Variants in BBOX1 observed in about 807,000 individuals in gnomAD.
BBOX1 encodes the protein gamma-butyrobetaine hydroxylase 1.
In BBOX1, 35 loss-of-function variants were observed where a neutral mutation model predicts 41.6. That is an observed-to-expected ratio of 0.84 (90% confidence interval 0.64 to 1.11). BBOX1 has a LOEUF of 1.11. Among genes scored for constraint, BBOX1 ranks in the 50% most tolerant of loss-of-function variants. The pLI, the probability that BBOX1 is intolerant of heterozygous loss-of-function variation, is 0.00. For synonymous variants in BBOX1, 163 were observed against 154.7 expected, an observed-to-expected ratio of 1.05 and a Z score of -0.40; for missense variants, 458 against 460.6, an observed-to-expected ratio of 0.99 and a Z score of 0.05.
intron 4 of BBOX1, among the ~76,000 whole-genome samples, chr11:27,084,985 A>C (rs1857982670): frequency 6.6e-6 from 1 of 152,180 alleles, no homozygotes; most frequent in Non-Finnish European, 1.5e-5. Context: ...CCCAGACCCA[A>C]GTGTGAAACT....
chr11:27,071,137 G>A (rs1255449153), intron 4 of BBOX1, among the ~76,000 whole-genome samples: 1 of 152,032 alleles, frequency 6.6e-6, no homozygotes, highest in Non-Finnish European at 1.5e-5. Context: ...CACTTTAGGA[G>A]GCAAAGGAGG....
In BBOX1 at chr11:27,112,502, C is replaced by A. The variant is rs553446477; in HGVS notation, c.534-2950C>A. Reference sequence around the variant, plus strand: ...AATAGGGACCCCAGAAATAATGCCACACACCTACAACCCTCTGATTTTCAA... The same window carrying A: ...AATAGGGACCCCAGAAATAATGCCAAACACCTACAACCCTCTGATTTTCAA... On this transcript the variant is annotated intron_variant, in intron 5 of 8. Transcript: ENST00000263182. 2.5e-3 allele frequency among the ~76,000 whole-genome samples: 379 copies of A among 151,974 alleles called. 2 individuals are homozygous for A. Among genetic ancestry groups the A allele is most frequent in the Non-Finnish European group, 3.7e-3 (251 of 67,904 alleles).
intron 6 of BBOX1, among the ~76,000 whole-genome samples, chr11:27,118,327 T>C (rs943156534): frequency 2.0e-5 from 3 of 152,068 alleles, no homozygotes; most frequent in Non-Finnish European, 4.4e-5. Context: ...CTGTTTGTAC[T>C]GTTGTTCAAA....
chr11:27,086,622 C>G (rs935056016), intron 4 of BBOX1, among the ~76,000 whole-genome samples: 5 of 152,108 alleles, frequency 3.3e-5, no homozygotes, highest in Admixed American at 6.6e-5. Flanking sequence ...TGTTTTTATG[C>G]CTGCTAACGC....
chr11:27,046,360 A>T (rs542634478), intron 2 of BBOX1: 1 of 152,092 alleles, frequency 6.6e-6, no homozygotes, highest in Non-Finnish European at 1.5e-5. Context: ...TGTGCCCAAC[A>T]GAAGTCCCAG....
chr11:27,048,311 A>G (rs75583649), intron 2 of BBOX1, among the ~76,000 whole-genome samples: 1 of 152,038 alleles, frequency 6.6e-6, no homozygotes. Flanking sequence ...GACTTCTATG[A>G]GTTTGGCATT....
chr11:27,119,711 G>A lies in BBOX1; in HGVS notation c.702G>A (p.Gly234=), dbSNP rs759298740. ...GGGGTGATTCAGAAATTGTAGATGG[G>A]TTTAATGTGTGCCAAAAACTAAAGA... is the stretch of plus-strand genomic sequence containing the variant. ...VTGGDSEIVD[G]FNVCQKLKKN... is the part of the protein sequence containing the mutation. Residue 234 remains glycine (G), a synonymous_variant, in exon 7 of 9, where the codon GGG becomes GGA. Coordinates refer to ENST00000263182, the MANE Select transcript of BBOX1 (RefSeq NM_003986.3). 6.9e-6 allele frequency: 11 copies of A among 1,603,960 alleles called. No individual in the cohort carries two copies. Among genetic ancestry groups the A allele is most frequent in the Non-Finnish European group, 7.6e-6 (9 of 1,176,800 alleles).
At chr11:27,048,982 G>T (rs1191772047) in intron 2 of BBOX1, among the ~76,000 whole-genome samples, 1 of 142,676 alleles carries the variant, frequency 7.0e-6, no homozygotes, top group Non-Finnish European at 1.5e-5. Flanking sequence ...CCACCTATGA[G>T]TGAGAATATG....
At chr11:27,052,043 C>A (rs1590166127) in intron 2 of BBOX1, among the ~76,000 whole-genome samples, 1 of 151,572 alleles carries the variant, frequency 6.6e-6, no homozygotes, top group East Asian at 1.9e-4. Flanking sequence ...TTTCCTTGAC[C>A]CATTAGTTGT....
chr11:27,049,038 A>G (rs1042989023), intron 2 of BBOX1, among the ~76,000 whole-genome samples: 2 of 151,218 alleles, frequency 1.3e-5, no homozygotes, highest in African/African-American at 4.9e-5. Context: ...GAGAATGATG[A>G]TTTCCAATTT....
intron 4 of BBOX1, among the ~76,000 whole-genome samples, chr11:27,091,569 C>G (rs1287491953): frequency 6.6e-6 from 1 of 151,912 alleles, no homozygotes; most frequent in Non-Finnish European, 1.5e-5. Flanking sequence ...ACCTGTTTCT[C>G]TTTGCCAAAG....
intron 5 of BBOX1, among the ~76,000 whole-genome samples, chr11:27,094,566 C>CAAGT (rs1858369999): frequency 6.6e-6 from 1 of 151,932 alleles, no homozygotes; most frequent in Non-Finnish European, 1.5e-5. Flanking sequence ...CTACTGGATA[C>CAAGT]AAGTAGAGGC....
rs755096410 is a variant in BBOX1, at chr11:27,119,791, A to G, written c.782A>G (p.Asp261Gly). ...ILSSTFVDFT[D>G]IGVDYCDFSV... ...TCCTCTACCTTTGTGGACTTTACAG[A>G]CATTGGAGTGGATTACTGTGATTTT... The change falls in exon 7 of 9, where the codon GAC (aspartate) becomes GGC (glycine). Residue 261 changes from aspartate to glycine, a missense_variant. Coordinates refer to ENST00000263182, the MANE Select transcript of BBOX1 (RefSeq NM_003986.3). The G allele has an allele frequency of 5.0e-6, 8 of 1,593,962 alleles. No individual in the cohort carries two copies. In the Admixed American group the frequency reaches 7.3e-5, roughly 14 times the overall value.
intron 4 of BBOX1, among the ~76,000 whole-genome samples, chr11:27,076,889 A>T (rs1857649972): frequency 6.6e-6 from 1 of 152,042 alleles, no homozygotes; most frequent in Non-Finnish European, 1.5e-5. Context: ...GCTCCCATTC[A>T]CTTGGCAAGG....
intron 4 of BBOX1, among the ~76,000 whole-genome samples, chr11:27,058,193 C>A (rs1857042169): frequency 6.6e-6 from 1 of 152,134 alleles, no homozygotes; most frequent in African/African-American, 2.4e-5. Flanking sequence ...CCTGTTCCTG[C>A]TTTCCTCATG....
At chr11:27,062,097 C>A (rs534010456) in intron 4 of BBOX1, among the ~76,000 whole-genome samples, 2 of 152,126 alleles carry the variant, frequency 1.3e-5, no homozygotes, top group East Asian at 3.9e-4. Context: ...TTGAGTTGCA[C>A]TTTGGAGAAT....
intron 2 of BBOX1, among the ~76,000 whole-genome samples, chr11:27,052,514 C>T (rs571991618): frequency 6.6e-6 from 1 of 152,160 alleles, no homozygotes; most frequent in Non-Finnish European, 1.5e-5. Flanking sequence ...ATCAACATGC[C>T]TTTTAATCTC....
intron 4 of BBOX1, among the ~76,000 whole-genome samples, chr11:27,074,208 GT>G (rs1857561178): frequency 6.6e-6 from 1 of 152,022 alleles, no homozygotes; most frequent in African/African-American, 2.4e-5. Flanking sequence ...CTGTGGAACT[GT>G]GAATCAATTA....
At position 27,055,412 on chromosome 11, in the gene BBOX1, A is replaced by T. The variant is rs779558464; in HGVS notation, c.-19A>T. ...TCATAGCAGGTAGCTGACAGCATCT[A>T]CTCCTGAAGACCGGAAACATGGCTT... On this transcript the variant is annotated 5_prime_UTR_variant, in exon 3 of 9. Coordinates refer to ENST00000263182, the MANE Select transcript of BBOX1 (RefSeq NM_003986.3). 1 of 1,608,464 alleles carries T rather than the reference A, an allele frequency of 6.2e-7. No homozygotes were observed. Among genetic ancestry groups the T allele is most frequent in the Admixed American group, 1.7e-5 (1 of 59,932 alleles).
Sources: allele counts gnomAD v4.1 joint callset (sites outside exome capture counted in the v4.1 genomes callset), GRCh38; gene constraint gnomAD v4.1.1; transcripts MANE v1.5; gene names NCBI Gene and HGNC (gene_info 2026-07-23, HGNC 2026-07-21).